FGD4: variants seen among roughly 807,000 people sequenced by gnomAD.
FGD4 encodes FYVE, RhoGEF and PH domain-containing protein 4.
A neutral mutation model predicts 102.0 loss-of-function variants in FGD4; 42 were observed. The observed-to-expected ratio is 0.41, with a 90% CI of 0.32 to 0.53. The LOEUF is 0.53. Among genes scored for constraint, FGD4 ranks in the 20% least tolerant of loss-of-function variants. The pLI, the probability that FGD4 is intolerant of heterozygous loss-of-function variation, is 0.21. For synonymous variants in FGD4, 380 were observed against 375.7 expected (o/e 1.01, Z -0.13); for missense variants, 902 against 1,078.2 (o/e 0.84, Z 2.29).
At chr12:32,596,349 A>T (rs1314158782) in intron 4 of FGD4, among the ~76,000 whole-genome samples, 2 of 152,224 alleles carry the variant, frequency 1.3e-5, no homozygotes, top group African/African-American at 4.8e-5. Flanking sequence ...GGCAGAGAGG[A>T]TGGAAAGAAG....
At chr12:32,612,990 C>A (rs1949240936) in intron 10 of FGD4, among the ~76,000 whole-genome samples, 1 of 151,964 alleles carries the variant, frequency 6.6e-6, no homozygotes, top group Admixed American at 6.6e-5. Flanking sequence ...CTTTCTATAT[C>A]TAATAAGATG....
intron 14 of FGD4, among the ~76,000 whole-genome samples, chr12:32,630,637 G>A (rs1007834427): frequency 1.3e-5 from 2 of 152,050 alleles, no homozygotes; most frequent in Non-Finnish European, 2.9e-5. Context: ...TGCACATGGT[G>A]AAACCCCGTC....
At chr12:32,584,355 T>C (rs965977455) in intron 4 of FGD4, among the ~76,000 whole-genome samples, 1 of 152,208 alleles carries the variant, frequency 6.6e-6, no homozygotes, top group East Asian at 1.9e-4. Context: ...ATCTCAGTAG[T>C]GTTAAGATGG....
At position 32,643,570 on chromosome 12, in the gene FGD4, C is replaced by A. The variant is rs886049267; in HGVS notation, c.*3037C>A. On this transcript the variant is annotated 3_prime_UTR_variant, in exon 17 of 17. Transcript: ENST00000534526. The stretch of plus-strand genomic sequence containing the variant: ...TTGTGTACTTATCTTCACTAGGTGA[C>A]TTAACTTACCCCAATTTTTTTAAAA... 49 of 151,938 alleles carry A rather than the reference C, an allele frequency of 3.2e-4. No homozygotes were observed. Among genetic ancestry groups the A allele is most frequent in the African/African-American group, 1.1e-3 (44 of 41,418 alleles). The allele number at this position is 151,938 out of a possible 1,614,324, so 9.4% of individuals were successfully genotyped here. A position where few individuals can be genotyped will look rare whatever the true frequency, so the allele number is the denominator to read the frequency against.
intron 1 of FGD4, among the ~76,000 whole-genome samples, chr12:32,538,654 G>T (rs576660732): frequency 1.3e-5 from 2 of 152,302 alleles, no homozygotes; most frequent in South Asian, 4.1e-4. Context: ...GGGCTGTGTC[G>T]TAAGACAGAA....
At chr12:32,439,762 C>T (rs955069490) in intron 1 of FGD4, among the ~76,000 whole-genome samples, 1 of 152,158 alleles carries the variant, frequency 6.6e-6, no homozygotes, top group East Asian at 1.9e-4. Context: ...AAACTTTCTG[C>T]TCCTATCGCT....
At chr12:32,507,565 C>T (rs967959733) in intron 1 of FGD4, among the ~76,000 whole-genome samples, 2 of 152,174 alleles carry the variant, frequency 1.3e-5, no homozygotes, top group Non-Finnish European at 2.9e-5. Flanking sequence ...TGCATGTTAT[C>T]GTTACTTCTC....
chr12:32,400,086 T>C (rs974757567), intron 1 of FGD4, 127 bp downstream of exon 1: 6 of 1,318,552 alleles, frequency 4.6e-6, no homozygotes, highest in Middle Eastern at 2.7e-4. Flanking sequence ...GGGAGGTTCA[T>C]TGTGGAAGGC....
chr12:32,474,773 C>T lies in FGD4; in HGVS notation c.166+74814C>T, dbSNP rs141164867. On this transcript the variant is annotated intron_variant, in intron 1 of 16. Coordinates refer to ENST00000534526, the MANE Select transcript of FGD4 (RefSeq NM_001370298.3). ...TACAAAAATTTGCCAGGCATGGTGT[C>T]GTGTGCCTGTAGTCCCAGCTACTCG... is the stretch of plus-strand genomic sequence containing the variant. 1.7e-3 allele frequency among the ~76,000 whole-genome samples: 258 copies of T among 152,070 alleles called. 2 individuals carry two copies. The highest frequency in any genetic ancestry group is 1.8e-3 in the Non-Finnish European group (119 of 67,964).
intron 1 of FGD4, among the ~76,000 whole-genome samples, chr12:32,400,533 A>G (rs1940613439): frequency 6.6e-6 from 1 of 152,212 alleles, no homozygotes; most frequent in South Asian, 2.1e-4. Flanking sequence ...AGATGTCAGT[A>G]ATGCGGTGTT....
At chr12:32,418,590 C>T (rs1208031837) in intron 1 of FGD4, among the ~76,000 whole-genome samples, 1 of 152,176 alleles carries the variant, frequency 6.6e-6, no homozygotes, top group African/African-American at 2.4e-5. Flanking sequence ...GCTAAACCAC[C>T]TGGACCTTGG....
intron 4 of FGD4, among the ~76,000 whole-genome samples, chr12:32,590,818 T>C (rs990570227): frequency 2.8e-4 from 42 of 152,366 alleles, no homozygotes; most frequent in South Asian, 2.1e-4. Context: ...CTCTCACTTG[T>C]GATAGCTTCC....
chr12:32,573,870 A>G (rs1297352578), intron 2 of FGD4, among the ~76,000 whole-genome samples: 3 of 152,216 alleles, frequency 2.0e-5, no homozygotes, highest in Non-Finnish European at 4.4e-5. Context: ...TTTGCCAAAC[A>G]TAATGCAAAT....
intron 7 of FGD4, among the ~76,000 whole-genome samples, chr12:32,602,772 T>G (rs1415646865): frequency 1.3e-5 from 2 of 152,228 alleles, no homozygotes; most frequent in Non-Finnish European, 2.9e-5. Flanking sequence ...CATAATAATT[T>G]CCACTTGATT....
At chr12:32,445,868 T>C (rs377294752) in intron 1 of FGD4, among the ~76,000 whole-genome samples, 2 of 152,324 alleles carry the variant, frequency 1.3e-5, no homozygotes, top group Admixed American at 6.5e-5. Context: ...TGTAGCTAAT[T>C]TAAAAATGTT....
chr12:32,411,220 C>T (rs576842780), intron 1 of FGD4, among the ~76,000 whole-genome samples: 14 of 151,924 alleles, frequency 9.2e-5, no homozygotes, highest in Non-Finnish European at 1.5e-4. Flanking sequence ...TGAGCCACTG[C>T]GCCCGGCCGC....
intron 1 of FGD4, among the ~76,000 whole-genome samples, chr12:32,421,866 C>T (rs751522786): frequency 6.6e-6 from 1 of 152,000 alleles, no homozygotes; most frequent in African/African-American, 2.4e-5. Context: ...ATAGGCCGGG[C>T]GCAGTGGCTC....
At chr12:32,458,682 C>CT (rs1216225178) in intron 1 of FGD4, among the ~76,000 whole-genome samples, 1 of 152,190 alleles carries the variant, frequency 6.6e-6, no homozygotes, top group Non-Finnish European at 1.5e-5. Flanking sequence ...CCAGTAATCT[C>CT]TTTTACTAAT....
chr12:32,455,320 A>G (rs531884657), intron 1 of FGD4, among the ~76,000 whole-genome samples: 1 of 152,102 alleles, frequency 6.6e-6, no homozygotes, highest in East Asian at 1.9e-4. Context: ...TTTTATTTAT[A>G]TTTAGAGCCT....
Sources: allele counts gnomAD v4.1 joint callset (sites outside exome capture counted in the v4.1 genomes callset), GRCh38; gene constraint gnomAD v4.1.1; transcripts MANE v1.5; gene names NCBI Gene and HGNC (gene_info 2026-07-23, HGNC 2026-07-21).